Variants in PLXDC2 observed in about 807,000 individuals in gnomAD.
PLXDC2 encodes plexin domain containing 2.
In PLXDC2, 40 loss-of-function variants were observed where a neutral mutation model predicts 68.9. That is an observed-to-expected ratio of 0.58 (90% CI 0.45 to 0.76). The LOEUF is 0.76. PLXDC2 is among the 30% of genes least tolerant of loss of function. The probability of loss-of-function intolerance (pLI) is 0.00; values close to 1 mark genes in which losing one functional copy is unlikely to be tolerated. For synonymous variants in PLXDC2, 243 were observed against 234.2 expected (o/e 1.04, Z -0.34); for missense variants, 644 against 661.9 (o/e 0.97, Z 0.30).
At chr10:19,874,735 A>G (rs959234941) in intron 1 of PLXDC2, among the ~76,000 whole-genome samples, 2 of 152,194 alleles carry the variant, frequency 1.3e-5, no homozygotes, top group African/African-American at 4.8e-5. Flanking sequence ...TAAAGAGTAT[A>G]TGTGATGTTA....
intron 4 of PLXDC2, among the ~76,000 whole-genome samples, chr10:20,106,657 TA>T (rs1255859727): frequency 1.3e-5 from 2 of 152,180 alleles, no homozygotes; most frequent in Non-Finnish European, 2.9e-5. Flanking sequence ...GAGCTGTTCA[TA>T]GTCTGTTTTC....
chr10:20,165,047 T>C (rs946275470), intron 7 of PLXDC2, among the ~76,000 whole-genome samples: 2 of 152,140 alleles, frequency 1.3e-5, no homozygotes, highest in Non-Finnish European at 2.9e-5. Context: ...GGTCTTGAAC[T>C]CCTGAGCTTA....
At chr10:19,917,662 G>A (rs1218737242) in intron 1 of PLXDC2, among the ~76,000 whole-genome samples, 1 of 152,146 alleles carries the variant, frequency 6.6e-6, no homozygotes, top group African/African-American at 2.4e-5. Context: ...ACATTAGTAA[G>A]AAAGGGATTC....
chr10:19,858,504 C>T (rs1396712993), intron 1 of PLXDC2, among the ~76,000 whole-genome samples: 2 of 152,146 alleles, frequency 1.3e-5, no homozygotes, highest in African/African-American at 2.4e-5. Context: ...ATTGAATTAG[C>T]TAATATTACT....
At chr10:19,931,599 T>G (rs1478470724) in intron 1 of PLXDC2, among the ~76,000 whole-genome samples, 2 of 152,210 alleles carry the variant, frequency 1.3e-5, no homozygotes, top group Admixed American at 1.3e-4. Flanking sequence ...TTTGGCCTTA[T>G]GTATATTTGA....
intron 3 of PLXDC2, among the ~76,000 whole-genome samples, chr10:20,057,425 A>G (rs767570180): frequency 5.9e-5 from 9 of 151,968 alleles, no homozygotes; most frequent in Non-Finnish European, 1.5e-5. Flanking sequence ...GTTCCTTTCT[A>G]CCTCATTATA....
intron 1 of PLXDC2, among the ~76,000 whole-genome samples, chr10:19,984,473 G>A (rs555677700): frequency 1.3e-5 from 2 of 152,302 alleles, no homozygotes; most frequent in South Asian, 2.1e-4. Context: ...TTGAAAATTT[G>A]TCTCAGAGCA....
chr10:19,867,524 AT>A (rs1426531907), intron 1 of PLXDC2, among the ~76,000 whole-genome samples: 3 of 152,136 alleles, frequency 2.0e-5, no homozygotes, highest in African/African-American at 4.8e-5. Flanking sequence ...CTTGGGGGCT[AT>A]TTTTTAAGCT....
chr10:20,198,244 T>C (rs759971794), intron 9 of PLXDC2, among the ~76,000 whole-genome samples: 12 of 152,092 alleles, frequency 7.9e-5, no homozygotes, highest in Non-Finnish European at 1.3e-4. Context: ...ATTTGGAAAG[T>C]AGTTTGTAGA....
At chr10:19,887,741 A>G (rs367611460) in intron 1 of PLXDC2, among the ~76,000 whole-genome samples, 2 of 152,242 alleles carry the variant, frequency 1.3e-5, no homozygotes, top group Admixed American at 6.5e-5. Flanking sequence ...CGATAGTGGC[A>G]TAGACAGTAT....
intron 4 of PLXDC2, among the ~76,000 whole-genome samples, chr10:20,075,572 A>T (rs1836427342): frequency 6.6e-6 from 1 of 152,192 alleles, no homozygotes. Context: ...TTATTTCATT[A>T]GCACTGGCTC....
chr10:19,874,403 G>A (rs1837596956), intron 1 of PLXDC2, among the ~76,000 whole-genome samples: 1 of 152,140 alleles, frequency 6.6e-6, no homozygotes, highest in Non-Finnish European at 1.5e-5. Context: ...GTCTTCCTAA[G>A]TTCCATAGGG....
At chr10:20,060,777 AAG>A (rs1252410889) in intron 3 of PLXDC2, among the ~76,000 whole-genome samples, 7 of 152,316 alleles carry the variant, frequency 4.6e-5, no homozygotes, top group Admixed American at 4.6e-4. Context: ...TATGTCTACT[AAG>A]AGCAAAAAAC....
Position 20,115,282 on chromosome 10 carries a change from A to G in PLXDC2, c.542-28013A>G, listed in dbSNP as rs187675890. ...TGAGAGGTATTTGCAACCTTGACTC[A>G]TGTCAGCTTGTCCTCTTCCTTTTGC... On this transcript the variant is annotated intron_variant, in intron 4 of 13. Coordinates refer to ENST00000377252, the MANE Select transcript of PLXDC2 (RefSeq NM_032812.9). Among the ~76,000 whole-genome samples the G allele has an allele frequency of 9.8e-5, 15 of 152,302 alleles. 1 individual carries two copies. The East Asian group carries it at 2.9e-3, about 29-fold the overall frequency.
intron 1 of PLXDC2, among the ~76,000 whole-genome samples, chr10:19,949,786 G>C (rs1833964156): frequency 6.6e-6 from 1 of 152,176 alleles, no homozygotes; most frequent in Non-Finnish European, 1.5e-5. Context: ...TTAAGTGAAA[G>C]TGTAGTTAGT....
intron 1 of PLXDC2, among the ~76,000 whole-genome samples, chr10:19,874,320 A>T (rs769331640): frequency 1.3e-5 from 2 of 152,120 alleles, no homozygotes; most frequent in Non-Finnish European, 2.9e-5. Context: ...GACATGGAAC[A>T]ATTTTCTTTT....
intron 1 of PLXDC2, among the ~76,000 whole-genome samples, chr10:19,977,612 A>T (rs1263039516): frequency 6.6e-6 from 1 of 152,094 alleles, no homozygotes. Context: ...AACAATATAC[A>T]TTTATTTCTC....
intron 1 of PLXDC2, among the ~76,000 whole-genome samples, chr10:19,829,170 T>TTTTTC (rs1564601850): frequency 1.3e-5 from 2 of 149,642 alleles, no homozygotes; most frequent in African/African-American, 5.0e-5. Flanking sequence ...TTTTTTTTTT[T>TTTTTC]TTTTTTTTTG....
chr10:20,020,942 A>G (rs1477358448), intron 2 of PLXDC2, among the ~76,000 whole-genome samples: 1 of 152,228 alleles, frequency 6.6e-6, no homozygotes, highest in Non-Finnish European at 1.5e-5. Context: ...GGAGAAGACA[A>G]AAAGTAATCT....
Sources: gnomAD v4.1 joint callset for allele counts (sites outside exome capture counted in the v4.1 genomes callset) on GRCh38, gnomAD v4.1.1 for gene constraint, MANE v1.5 for transcripts, NCBI Gene and HGNC (gene_info 2026-07-23, HGNC 2026-07-21) for gene names.